CXXC4: variants seen among roughly 807,000 people sequenced by gnomAD.
CXXC4 encodes CXXC finger protein 4, also known as CXXC-type zinc finger protein 4.
In CXXC4, 5 loss-of-function variants were observed where a neutral mutation model predicts 20.5. The ratio of observed to expected loss-of-function variants is 0.24; its 90% CI spans 0.13 to 0.51. The LOEUF (loss-of-function observed/expected upper bound fraction) is 0.51. Among genes scored for constraint, CXXC4 ranks in the 20% least tolerant of loss-of-function variants. The probability of loss-of-function intolerance (pLI) is 0.97; values close to 1 mark genes in which losing one functional copy is unlikely to be tolerated. For missense variants in CXXC4, 419 were observed against 496.4 expected, an observed-to-expected ratio of 0.84 and a Z score of 1.48; for synonymous variants, 250 against 216.4, an observed-to-expected ratio of 1.16 and a Z score of -1.36.
chr4:104,470,654 G>A lies in CXXC4; in HGVS notation c.*1668C>T, dbSNP rs1156257667. 6.6e-6 allele frequency: 1 copy of A among 151,546 alleles called. No homozygotes were observed. The highest frequency in any genetic ancestry group is 1.5e-5 in the Non-Finnish European group (1 of 67,874). The allele number at this position is 151,546 out of a possible 1,614,324, so 9.4% of individuals were successfully genotyped here. A position where few individuals can be genotyped will look rare whatever the true frequency, so the allele number is the denominator to read the frequency against. ...CTCTTCTCAAATTATCTTTCTTCTC[G>A]TGATTTACTTTGCTAACATTTTTCA... On this transcript the variant is annotated 3_prime_UTR_variant, in exon 3 of 3. Coordinates refer to ENST00000394767, the MANE Select transcript of CXXC4 (RefSeq NM_025212.4).
At chr4:104,486,011 T>G (rs148746185) in intron 2 of CXXC4, among the ~76,000 whole-genome samples, 1,791 of 152,230 alleles carry the variant, frequency 0.012, 36 homozygotes, top group African/African-American at 0.041. Flanking sequence ...TTTTTTAAAT[T>G]TGCTCTTATA....
chr4:104,489,519 T>C (rs957652441), intron 2 of CXXC4, among the ~76,000 whole-genome samples: 20 of 152,184 alleles, frequency 1.3e-4, no homozygotes, highest in African/African-American at 4.8e-4. Flanking sequence ...GCCACTCTCA[T>C]CCTGCAACTC....
At chr4:104,483,214 C>A (rs1736598695) in intron 2 of CXXC4, among the ~76,000 whole-genome samples, 1 of 151,870 alleles carries the variant, frequency 6.6e-6, no homozygotes, top group East Asian at 1.9e-4. Context: ...AGTATTGAGT[C>A]TAGTCATTAA....
chr4:104,486,533 C>T (rs1013583914), intron 2 of CXXC4, among the ~76,000 whole-genome samples: 1 of 151,768 alleles, frequency 6.6e-6, no homozygotes, highest in Non-Finnish European at 1.5e-5. Flanking sequence ...TGAAAAATTT[C>T]CCCTTTCCCT....
At chr4:104,492,435 G>C (rs573772588) in intron 1 of CXXC4, among the ~76,000 whole-genome samples, 1 of 152,152 alleles carries the variant, frequency 6.6e-6, no homozygotes, top group East Asian at 1.9e-4. Flanking sequence ...TAAGCAGAGG[G>C]CATTTAAACA....
chr4:104,481,078 T>C (rs1736547909), intron 2 of CXXC4, among the ~76,000 whole-genome samples: 1 of 152,136 alleles, frequency 6.6e-6, no homozygotes, highest in African/African-American at 2.4e-5. Flanking sequence ...ATCATATTAG[T>C]CTGTGTTACT....
At chr4:104,476,786 T>C (rs1736418451) in intron 2 of CXXC4, among the ~76,000 whole-genome samples, 1 of 152,168 alleles carries the variant, frequency 6.6e-6, no homozygotes, top group African/African-American at 2.4e-5. Context: ...TGAAGGTCAC[T>C]ATTTGGGGAT....
At chr4:104,486,953 C>T (rs145639385) in intron 2 of CXXC4, among the ~76,000 whole-genome samples, 26 of 152,186 alleles carry the variant, frequency 1.7e-4, no homozygotes, top group Admixed American at 2.6e-4. Context: ...ATATGTCCCT[C>T]CTCCCCTATT....
chr4:104,483,480 A>T (rs1027438394), intron 2 of CXXC4, among the ~76,000 whole-genome samples: 2 of 151,932 alleles, frequency 1.3e-5, no homozygotes, highest in African/African-American at 2.4e-5. Context: ...AACTGTCTTC[A>T]TTTTAAAAAA....
chr4:104,480,762 C>T (rs551928199), intron 2 of CXXC4, among the ~76,000 whole-genome samples: 2 of 152,022 alleles, frequency 1.3e-5, no homozygotes, highest in South Asian at 2.1e-4. Context: ...TTCTTTTTGC[C>T]AATACGCCCC....
intron 2 of CXXC4, among the ~76,000 whole-genome samples, chr4:104,481,819 T>C (rs561946254): frequency 6.6e-5 from 10 of 152,298 alleles, no homozygotes; most frequent in African/African-American, 2.4e-4. Context: ...ATTAATACCA[T>C]ATATTCATGA....
chr4:104,490,595 C>G, intron 2 of CXXC4, 149 bp downstream of exon 2: 1 of 738,278 alleles, frequency 1.4e-6, no homozygotes, highest in Non-Finnish European at 2.2e-6. Context: ...GAGGCCAAGC[C>G]TTTCGCAAAC....
Sources: gnomAD v4.1 joint callset for allele counts (sites outside exome capture counted in the v4.1 genomes callset) on GRCh38, gnomAD v4.1.1 for gene constraint, MANE v1.5 for transcripts, NCBI Gene and HGNC (gene_info 2026-07-23, HGNC 2026-07-21) for gene names.